Variants in NHLRC2 observed in about 807,000 individuals in gnomAD.
The protein encoded by NHLRC2 is NHL repeat-containing protein 2.
In NHLRC2, 33 loss-of-function variants were observed where a neutral mutation model predicts 68.1. The observed-to-expected ratio is 0.48, with a 90% CI of 0.37 to 0.65. The LOEUF is 0.65. Among genes scored for constraint, NHLRC2 ranks in the 30% least tolerant of loss-of-function variants. NHLRC2 has a pLI of 0.00. For synonymous variants in NHLRC2, 311 were observed against 309.6 expected, an observed-to-expected ratio of 1.00 and a Z score of -0.05; for missense variants, 761 against 853.8, an observed-to-expected ratio of 0.89 and a Z score of 1.35.
chr10:113,897,231 T>A (rs1351682518), intron 5 of NHLRC2, among the ~76,000 whole-genome samples: 1 of 152,156 alleles, frequency 6.6e-6, no homozygotes, highest in Non-Finnish European at 1.5e-5. Context: ...TTTATTATCT[T>A]AGATTTATGG....
intron 3 of NHLRC2, among the ~76,000 whole-genome samples, chr10:113,878,893 C>T (rs975223504): frequency 6.6e-6 from 1 of 152,088 alleles, no homozygotes; most frequent in East Asian, 1.9e-4. Flanking sequence ...CAATGGAGTT[C>T]CACAAAGCAG....
chr10:113,877,247 C>CTTTT (rs758830632), intron 3 of NHLRC2, among the ~76,000 whole-genome samples: 1 of 140,826 alleles, frequency 7.1e-6, no homozygotes, highest in Non-Finnish European at 1.6e-5. Flanking sequence ...TATATTCTAT[C>CTTTT]TTTTTTTTTT....
At chr10:113,855,855 C>T (rs1214357707) in intron 1 of NHLRC2, among the ~76,000 whole-genome samples, 2 of 152,118 alleles carry the variant, frequency 1.3e-5, no homozygotes, top group Non-Finnish European at 2.9e-5. Context: ...GGAGATATTA[C>T]CTTATTCAAT....
Position 113,896,975 on chromosome 10 carries a change from C to T in NHLRC2, c.1040-1135C>T, listed in dbSNP as rs189312123. ...CTCCACTGCACTCCAGCCTGGGGGACGGAGTGAGACTCCGCCTCAAAAAAA... is the reference window on the plus strand; with the variant it reads ...CTCCACTGCACTCCAGCCTGGGGGATGGAGTGAGACTCCGCCTCAAAAAAA... On this transcript the variant is annotated intron_variant, in intron 5 of 10. Transcript: ENST00000369301. 8.3e-5 allele frequency among the ~76,000 whole-genome samples: 12 copies of T among 144,428 alleles called. No homozygotes were observed. The East Asian group carries it at 1.8e-3, about 22-fold the overall frequency. 94.8% of individuals were successfully genotyped at this position (144,428 alleles called of 152,430 possible). A position where few individuals can be genotyped will look rare whatever the true frequency, so the allele number is the denominator to read the frequency against.
At chr10:113,884,072 T>C (rs896456394) in intron 4 of NHLRC2, among the ~76,000 whole-genome samples, 179 bp from the exon 5 acceptor site, 1 of 151,904 alleles carries the variant, frequency 6.6e-6, no homozygotes, top group South Asian at 2.1e-4. Flanking sequence ...TGAAAGGGAC[T>C]GATTATGTGC....
At chr10:113,877,085 G>T in intron 3 of NHLRC2, 109 bp downstream of exon 3, 2 of 628,452 alleles carry the variant, frequency 3.2e-6, no homozygotes, top group Non-Finnish European at 5.1e-6. Context: ...ATAGAAAAGT[G>T]ATATACATTG....
At chr10:113,879,529 T>A in intron 3 of NHLRC2, 45 bp from the exon 4 acceptor site, 1 of 1,525,812 alleles carries the variant, frequency 6.6e-7, no homozygotes, top group East Asian at 2.3e-5. Flanking sequence ...TGTTTTGTTT[T>A]ACCTTGAGAT....
At chr10:113,877,588 C>T (rs1845996228) in intron 3 of NHLRC2, among the ~76,000 whole-genome samples, 1 of 152,112 alleles carries the variant, frequency 6.6e-6, no homozygotes, top group African/African-American at 2.4e-5. Context: ...TCTAAAACTA[C>T]CTCTTGGTTA....
At chr10:113,879,533 T>C in intron 3 of NHLRC2, 41 bp from the exon 4 acceptor site, 2 of 1,544,328 alleles carry the variant, frequency 1.3e-6, no homozygotes, top group Non-Finnish European at 1.8e-6. Context: ...TTGTTTTACC[T>C]TGAGATCACT....
At position 113,915,162 on chromosome 10, in the gene NHLRC2, C is replaced by T. The variant is rs966187048; in HGVS notation, c.*6626C>T. The stretch of plus-strand genomic sequence containing the variant: ...TGTATTGGTGTGTCCCTCTTCTTCA[C>T]TGGCATGTCGCTTTCAAGTGTACCA... On this transcript the variant is annotated 3_prime_UTR_variant, in exon 11 of 11. Transcript: ENST00000369301. The T allele has an allele frequency of 6.6e-6, 3 of 456,200 alleles. No homozygotes were observed. The highest frequency in any genetic ancestry group is 6.0e-5 in the African/African-American group (3 of 50,074). The allele number at this position is 456,200 out of a possible 1,614,324, so 28.3% of individuals were successfully genotyped here.
In NHLRC2 at chr10:113,904,994, C is replaced by T. The variant is rs1846263980; in HGVS notation, c.1882C>T (p.Leu628=). The T allele has an allele frequency of 4.5e-6, 7 of 1,548,354 alleles. No homozygotes were observed. Among genetic ancestry groups the T allele is most frequent in the Non-Finnish European group, 6.1e-6 (7 of 1,151,730 alleles). Residue 628 remains leucine, a synonymous_variant, in exon 10 of 11, where the codon CTA becomes TTA. Transcript: ENST00000369301. The stretch of plus-strand genomic sequence containing the variant: ...ATTAGACCTCCCATCAGGATCAAAG[C>T]TAACTGAAGGAGTATCCAGTTGCTG... ...LRLDLPSGSK[L]TEGVSSCWFL...
At position 113,876,963 on chromosome 10, in the gene NHLRC2, A is replaced by G. The variant is rs778881258; in HGVS notation, c.774A>G (p.Gln258=). The G allele has an allele frequency of 1.4e-5, 23 of 1,587,818 alleles. No homozygotes were observed. The highest frequency in any genetic ancestry group is 4.5e-5 in the East Asian group (2 of 44,712). Residue 258 remains glutamine, a synonymous_variant, in exon 3 of 11, where the codon CAA becomes CAG. Coordinates refer to ENST00000369301, the MANE Select transcript of NHLRC2 (RefSeq NM_198514.4). ...TCGTTTGGAAGAATGGACAAATTCA[A>G]TATAGCATTGGAGGTAAAACTTGCT... ...ILVVWKNGQI[Q]YSIGGPNPGR...
chr10:113,861,517 T>C (rs1845816704), intron 2 of NHLRC2, among the ~76,000 whole-genome samples: 1 of 152,168 alleles, frequency 6.6e-6, no homozygotes, highest in African/African-American at 2.4e-5. Context: ...TTCAAAGTAC[T>C]AAAGGAACAA....
intron 2 of NHLRC2, among the ~76,000 whole-genome samples, chr10:113,866,131 A>T (rs963510159): frequency 6.6e-5 from 10 of 152,354 alleles, no homozygotes; most frequent in Middle Eastern, 3.4e-3. Flanking sequence ...TCAGCTTTTA[A>T]ATGCAGGTTT....
chr10:113,865,149 C>T (rs1225644597), intron 2 of NHLRC2, among the ~76,000 whole-genome samples: 1 of 151,900 alleles, frequency 6.6e-6, no homozygotes, highest in African/African-American at 2.4e-5. Context: ...CAGGGTTTCA[C>T]CGTGTTAGCC....
chr10:113,880,215 A>G (rs1846023976), intron 4 of NHLRC2, among the ~76,000 whole-genome samples: 1 of 152,060 alleles, frequency 6.6e-6, no homozygotes, highest in South Asian at 2.1e-4. Flanking sequence ...CCCAGAGGTA[A>G]CCATCCACTG....
intron 4 of NHLRC2, among the ~76,000 whole-genome samples, chr10:113,883,180 T>G (rs1846051066): frequency 6.6e-6 from 1 of 151,932 alleles, no homozygotes; most frequent in African/African-American, 2.4e-5. Flanking sequence ...TAGGACCAGC[T>G]TGTCCATTTC....
rs1186776412 is a variant in NHLRC2, at chr10:113,913,176, T to C, written c.*4640T>C. On this transcript the variant is annotated 3_prime_UTR_variant, in exon 11 of 11. Transcript: ENST00000369301. ...ATCAAATACACCAGCATAACCAAAATCACACATTTAGCGAGTGGCAGGGCC... is the reference window on the plus strand; with the variant it reads ...ATCAAATACACCAGCATAACCAAAACCACACATTTAGCGAGTGGCAGGGCC... The C allele has an allele frequency of 6.6e-6, 1 of 152,146 alleles. No homozygotes were observed. The allele number at this position is 152,146 out of a possible 1,614,324, so 9.4% of individuals were successfully genotyped here.
At chr10:113,889,589 T>C (rs998957481) in intron 5 of NHLRC2, among the ~76,000 whole-genome samples, 3 of 152,206 alleles carry the variant, frequency 2.0e-5, no homozygotes, top group African/African-American at 7.2e-5. Flanking sequence ...GTATAATTTA[T>C]ATACAGTAAA....
Sources: allele counts gnomAD v4.1 joint callset (sites outside exome capture counted in the v4.1 genomes callset), GRCh38; gene constraint gnomAD v4.1.1; transcripts MANE v1.5; gene names NCBI Gene and HGNC (gene_info 2026-07-23, HGNC 2026-07-21).